The following RABGAP1L variants were observed in gnomAD, a reference collection of about 807,000 sequenced individuals.
The protein encoded by RABGAP1L is rab GTPase-activating protein 1-like.
Under a neutral mutation model 137.7 loss-of-function variants are expected in RABGAP1L, and 63 were observed. The ratio of observed to expected loss-of-function variants is 0.46; its 90% CI spans 0.37 to 0.56. The LOEUF is 0.56. RABGAP1L is among the 20% of genes least tolerant of loss of function. The pLI, the probability that RABGAP1L is intolerant of heterozygous loss-of-function variation, is 0.00. For synonymous variants in RABGAP1L, 431 were observed against 433.7 expected (o/e 0.99, Z 0.08); for missense variants, 1,095 against 1,244.0 (o/e 0.88, Z 1.80).
At chr1:174,383,471 G>A (rs746467076) in intron 12 of RABGAP1L, among the ~76,000 whole-genome samples, 2 of 152,224 alleles carry the variant, frequency 1.3e-5, no homozygotes, top group African/African-American at 2.4e-5. Flanking sequence ...CTCTGAGCCA[G>A]GTGTGGGATA....
chr1:174,377,503 G>C (rs548489613), intron 12 of RABGAP1L, among the ~76,000 whole-genome samples: 22 of 152,298 alleles, frequency 1.4e-4, no homozygotes, highest in African/African-American at 5.1e-4. Flanking sequence ...TAGACACTGA[G>C]ATTAGTGGCA....
At chr1:174,411,801 C>A (rs1442352268) in intron 13 of RABGAP1L, among the ~76,000 whole-genome samples, 2 of 152,036 alleles carry the variant, frequency 1.3e-5, no homozygotes, top group African/African-American at 4.8e-5. Flanking sequence ...TTTGAGAGAG[C>A]TTTTTGATAC....
chr1:174,165,617 G>A (rs1040664208), intron 1 of RABGAP1L, among the ~76,000 whole-genome samples: 3 of 151,776 alleles, frequency 2.0e-5, no homozygotes, highest in Non-Finnish European at 4.4e-5. Context: ...TTCTGCCTCA[G>A]CCCCCAAGTG....
At chr1:174,817,564 G>A (rs1690570173) in intron 19 of RABGAP1L, among the ~76,000 whole-genome samples, 2 of 152,204 alleles carry the variant, frequency 1.3e-5, no homozygotes, top group Non-Finnish European at 2.9e-5. Context: ...AGAGAGGTAA[G>A]CAGGAGCCAG....
intron 13 of RABGAP1L, among the ~76,000 whole-genome samples, chr1:174,562,124 T>C (rs1237192234): frequency 6.6e-6 from 1 of 152,056 alleles, no homozygotes; most frequent in Admixed American, 6.5e-5. Flanking sequence ...AGGGCTAATA[T>C]CCAGAATCTA....
At chr1:174,402,593 G>A (rs1180232246) in intron 13 of RABGAP1L, among the ~76,000 whole-genome samples, 1 of 152,130 alleles carries the variant, frequency 6.6e-6, no homozygotes, top group Non-Finnish European at 1.5e-5. Context: ...GGGTACTACT[G>A]CTGCTGATGA....
At chr1:174,707,674 AC>A (rs1680157520) in intron 17 of RABGAP1L, among the ~76,000 whole-genome samples, 1 of 152,186 alleles carries the variant, frequency 6.6e-6, no homozygotes, top group Non-Finnish European at 1.5e-5. Flanking sequence ...TGCCTACTAT[AC>A]AGTATTCAAT....
intron 11 of RABGAP1L, among the ~76,000 whole-genome samples, chr1:174,317,940 C>T (rs56185645): frequency 0.096 from 14,672 of 152,070 alleles, 1,578 homozygotes; most frequent in African/African-American, 0.26. Context: ...AAGTTCAGTG[C>T]CCCACAGTTG....
chr1:174,988,602 G>C, intron 24 of RABGAP1L, 39 bp from the exon 25 acceptor site: 1 of 1,436,506 alleles, frequency 7.0e-7, no homozygotes, highest in Non-Finnish European at 9.2e-7. Flanking sequence ...TTAGCCTATG[G>C]AATAGTTTGA....
At chr1:174,749,900 T>G (rs1684206810) in intron 17 of RABGAP1L, among the ~76,000 whole-genome samples, 1 of 152,030 alleles carries the variant, frequency 6.6e-6, no homozygotes, top group Admixed American at 6.6e-5. Context: ...TTTTTTGAGA[T>G]GGAGTCTCGC....
chr1:174,524,210 T>G lies in RABGAP1L; in HGVS notation c.1711-113165T>G, dbSNP rs565268712. ...TGTTGTTGTTGTTGTTGTTGTTGTT[T>G]TTTTAAGAAATCTCTATACCGTTTT... is the stretch of plus-strand genomic sequence containing the variant. On this transcript the variant is annotated intron_variant, in intron 13 of 25. Transcript: ENST00000681986. 6.9e-3 allele frequency among the ~76,000 whole-genome samples: 1,048 copies of G among 152,086 alleles called. 8 individuals are homozygous for G. The highest frequency in any genetic ancestry group is 0.01 in the Non-Finnish European group (713 of 67,954).
intron 19 of RABGAP1L, among the ~76,000 whole-genome samples, chr1:174,914,566 G>A (rs941692878): frequency 7.9e-5 from 12 of 152,202 alleles, no homozygotes; most frequent in African/African-American, 2.7e-4. Context: ...TGTAGGAACA[G>A]TCCTACAAAG....
At chr1:174,548,848 C>T (rs948297801) in intron 13 of RABGAP1L, among the ~76,000 whole-genome samples, 1 of 152,126 alleles carries the variant, frequency 6.6e-6, no homozygotes, top group Non-Finnish European at 1.5e-5. Context: ...TATTTACAAG[C>T]TTAGTTAGAA....
At chr1:174,733,370 A>T (rs1221715606) in intron 17 of RABGAP1L, among the ~76,000 whole-genome samples, 1 of 152,214 alleles carries the variant, frequency 6.6e-6, no homozygotes, top group African/African-American at 2.4e-5. Flanking sequence ...GATCACAGGC[A>T]GTTCTGCCTG....
chr1:174,609,875 A>G (rs1365266873), intron 13 of RABGAP1L, among the ~76,000 whole-genome samples: 2 of 151,978 alleles, frequency 1.3e-5, no homozygotes, highest in African/African-American at 4.8e-5. Context: ...CAAACCCCAA[A>G]CAGTTTTTTA....
intron 11 of RABGAP1L, among the ~76,000 whole-genome samples, chr1:174,320,345 A>G (rs1042532899): frequency 6.6e-6 from 1 of 152,130 alleles, no homozygotes; most frequent in African/African-American, 2.4e-5. Context: ...CACTTAGTAC[A>G]TAGTCTTTTG....
chr1:174,770,524 C>T (rs1438798614), intron 18 of RABGAP1L, among the ~76,000 whole-genome samples: 1 of 152,174 alleles, frequency 6.6e-6, no homozygotes, highest in Non-Finnish European at 1.5e-5. Context: ...TGAATAAACA[C>T]ACCATTTCCA....
At chr1:174,170,745 A>G (rs1665304147) in intron 1 of RABGAP1L, among the ~76,000 whole-genome samples, 1 of 151,822 alleles carries the variant, frequency 6.6e-6, no homozygotes, top group Non-Finnish European at 1.5e-5. Flanking sequence ...TCTGTCTCAC[A>G]GTGACTCTCT....
At chr1:174,927,484 T>C (rs1350791119) in intron 19 of RABGAP1L, among the ~76,000 whole-genome samples, 1 of 152,112 alleles carries the variant, frequency 6.6e-6, no homozygotes, top group Admixed American at 6.6e-5. Context: ...CCTGCCTTGG[T>C]CTCCCAAAGT....
Sources: gnomAD v4.1 joint callset for allele counts (sites outside exome capture counted in the v4.1 genomes callset) on GRCh38, gnomAD v4.1.1 for gene constraint, MANE v1.5 for transcripts, NCBI Gene and HGNC (gene_info 2026-07-23, HGNC 2026-07-21) for gene names.